RAP1GAP2: variants seen among roughly 807,000 people sequenced by gnomAD.
RAP1GAP2 encodes RAP1 GTPase activating protein 2.
A neutral mutation model predicts 95.0 loss-of-function variants in RAP1GAP2; 27 were observed. The ratio of observed to expected loss-of-function variants is 0.28; its 90% CI spans 0.21 to 0.39. RAP1GAP2 has a LOEUF of 0.39. RAP1GAP2 is among the 10% of genes least tolerant of loss of function. The pLI is 1.00. For missense variants in RAP1GAP2, 771 were observed against 970.0 expected (o/e 0.79, Z 2.72); for synonymous variants, 373 against 380.9 (o/e 0.98, Z 0.24).
At chr17:2,774,360 G>A (rs56168850), upstream of RAP1GAP2, among the ~76,000 whole-genome samples, 105 of 152,198 alleles carry the variant, frequency 6.9e-4, no homozygotes, top group Non-Finnish European at 1.1e-3. Context: ...ATTGAATGCC[G>A]TTCCTCTGCC....
chr17:2,759,839 C>T (rs775445264), intron 1 of RAP1GAP2, among the ~76,000 whole-genome samples: 33 of 152,144 alleles, frequency 2.2e-4, no homozygotes, highest in Admixed American at 6.6e-4. Context: ...ATTTGCCTCC[C>T]GAAGTGTTGA....
intron 2 of RAP1GAP2, among the ~76,000 whole-genome samples, chr17:2,808,098 T>C (rs2069598643): frequency 6.6e-6 from 1 of 152,128 alleles, no homozygotes; most frequent in South Asian, 2.1e-4. Flanking sequence ...CTGAGCTTTT[T>C]TCCTTTCGCC....
chr17:2,849,998 G>GTTTTTTTTTTTTTTTTTTTTTTTT lies in RAP1GAP2; in HGVS notation c.80+49448_80+49449insTTTTTTTTTTTTTTTTTTTTTTTT, dbSNP rs1363363543. Among the ~76,000 whole-genome samples, 3 of 136,130 alleles carry GTTTTTTTTTTTTTTTTTTTTTTTT rather than the reference G, an allele frequency of 2.2e-5. 1 individual carries two copies. 89.3% of individuals were successfully genotyped at this position (136,130 alleles called of 152,430 possible). On this transcript the variant is annotated intron_variant, in intron 2 of 24. Transcript: ENST00000254695. Reference sequence around the variant, plus strand: ...GTGTCACTAACACCTAACACTGCCTGCTTTTTTTTTTTTTTTTTTTGAGAT... The same window carrying GTTTTTTTTTTTTTTTTTTTTTTTT: ...GTGTCACTAACACCTAACACTGCCTGTTTTTTTTTTTTTTTTTTTTTTTTCTTTTTTTTTTTTTTTTTTTGAGAT...
rs1230705377 is a variant in RAP1GAP2 at position 2,974,601 on chromosome 17, T to A, written c.597-5686T>A. Among the ~76,000 whole-genome samples, 3 of 152,254 alleles carry A rather than the reference T, an allele frequency of 2.0e-5. No homozygotes were observed. In the East Asian group the frequency reaches 5.8e-4, roughly 29 times the overall value. On this transcript the variant is annotated intron_variant, in intron 8 of 24. Coordinates refer to ENST00000254695, the MANE Select transcript of RAP1GAP2 (RefSeq NM_015085.5). ...TTACTGATGGTAAAAAGTGGGATTT[T>A]TTTTTTTGCATGTTTAAAAGGAGGC...
At chr17:2,799,155 T>C (rs1332288075) in intron 1 of RAP1GAP2, among the ~76,000 whole-genome samples, 1 of 151,798 alleles carries the variant, frequency 6.6e-6, no homozygotes, top group South Asian at 2.1e-4. Context: ...TACAGCAGAG[T>C]GTGGGGCTCT....
At chr17:2,996,565 A>G (rs2151581055) in intron 13 of RAP1GAP2, among the ~76,000 whole-genome samples, 1 of 152,336 alleles carries the variant, frequency 6.6e-6, no homozygotes. Context: ...ATGGAAGCAG[A>G]AATCCTTTTG....
rs2042213521 is a variant in RAP1GAP2 at position 2,906,849 on chromosome 17, T to C, written c.165+1481T>C. Reference sequence around the variant, plus strand: ...TAATACCCAGTATTTATTTGAATTTTGTATTAGTTAGGACTCTTGGTTGTA... The same window carrying C: ...TAATACCCAGTATTTATTTGAATTTCGTATTAGTTAGGACTCTTGGTTGTA... On this transcript the variant is annotated intron_variant, in intron 3 of 24. Transcript: ENST00000254695. The surrounding 1 kb of genome is among the most constrained non-coding windows in gnomAD (Gnocchi z 4.3). Among the ~76,000 whole-genome samples, 1 of 152,178 alleles carries C rather than the reference T, an allele frequency of 6.6e-6. No homozygotes were observed. Among genetic ancestry groups the C allele is most frequent in the African/African-American group, 2.4e-5 (1 of 41,454 alleles).
chr17:2,818,498 A>G (rs1422620301), intron 2 of RAP1GAP2, among the ~76,000 whole-genome samples: 1 of 149,036 alleles, frequency 6.7e-6, no homozygotes, highest in African/African-American at 2.5e-5. Flanking sequence ...TAATTTTTGT[A>G]TTTTTTTTTA....
At chr17:2,978,698 C>T (rs763333951) in intron 8 of RAP1GAP2, among the ~76,000 whole-genome samples, 9 of 150,342 alleles carry the variant, frequency 6.0e-5, no homozygotes, top group Admixed American at 1.3e-4. Context: ...CTTTGGGAGG[C>T]GGAGGTGGGT....
chr17:3,024,304 A>G (rs1472124116), intron 19 of RAP1GAP2, among the ~76,000 whole-genome samples: 2 of 152,184 alleles, frequency 1.3e-5, no homozygotes, highest in Non-Finnish European at 2.9e-5. Flanking sequence ...CCCTGGACAG[A>G]TTGACAGGAG....
At chr17:2,998,021 G>A (rs928209252) in intron 13 of RAP1GAP2, among the ~76,000 whole-genome samples, 200 bp from the exon 14 acceptor site, 7 of 152,028 alleles carry the variant, frequency 4.6e-5, no homozygotes, top group African/African-American at 1.2e-4. Context: ...AGCACGAAGC[G>A]TGTTCCATGC....
rs564924173 is a variant in RAP1GAP2, at chr17:2,760,363, C to T, written c.50+4596C>T. On this transcript the variant is annotated intron_variant, in intron 1 of 25. Coordinates refer to the RAP1GAP2 transcript ENST00000637138. ...CGTTAACTTTCACTTTTTTTTGAGA[C>T]GGAGTCTTGCTCTGTCGCCCAGGGT... Among the ~76,000 whole-genome samples the T allele has an allele frequency of 8.8e-5, 13 of 147,068 alleles. No homozygotes were observed. The South Asian group carries it at 1.3e-3, about 15-fold the overall frequency.
At chr17:3,001,228 A>C (rs1299136955) in intron 14 of RAP1GAP2, among the ~76,000 whole-genome samples, 1 of 33,292 alleles carries the variant, frequency 3.0e-5, no homozygotes, top group Non-Finnish European at 5.4e-5. Context: ...ATGCCGGAGA[A>C]GGGACAGAAG....
chr17:2,775,103 A>G (rs1312107669), upstream of RAP1GAP2, among the ~76,000 whole-genome samples: 2 of 149,980 alleles, frequency 1.3e-5, no homozygotes, highest in Admixed American at 1.3e-4. Flanking sequence ...AAGCGCTAGG[A>G]TTACAGGTGT....
intron 2 of RAP1GAP2, among the ~76,000 whole-genome samples, chr17:2,873,849 G>A (rs980609604): frequency 1.8e-4 from 28 of 151,976 alleles, no homozygotes; most frequent in Non-Finnish European, 2.6e-4. Flanking sequence ...TGCAACCTCC[G>A]CCTCCTGGGT....
At chr17:3,013,022 A>C (rs912878506) in intron 17 of RAP1GAP2, among the ~76,000 whole-genome samples, 1 of 152,234 alleles carries the variant, frequency 6.6e-6, no homozygotes, top group Non-Finnish European at 1.5e-5. Flanking sequence ...GAGGTGGAGC[A>C]GAGGACCGGG....
chr17:3,017,048 G>A (rs529206767), intron 17 of RAP1GAP2, among the ~76,000 whole-genome samples: 256 of 152,262 alleles, frequency 1.7e-3, no homozygotes, highest in Non-Finnish European at 3.0e-3. Context: ...GCCAGAGAGA[G>A]CATCATCCAG....
At chr17:2,905,785 T>C (rs571897227) in intron 3 of RAP1GAP2, among the ~76,000 whole-genome samples, 110 of 152,278 alleles carry the variant, frequency 7.2e-4, no homozygotes, top group Non-Finnish European at 1.3e-3. Flanking sequence ...GCTGGGCCTG[T>C]TCACGGCAGT....
rs1555565310 is a variant in RAP1GAP2, at chr17:2,904,530, C to CTTTGTGTGTG, written c.81-753_81-752insTTGTGTGTGT. 1.5e-5 allele frequency among the ~76,000 whole-genome samples: 2 copies of CTTTGTGTGTG among 129,082 alleles called. No homozygotes were observed. Among genetic ancestry groups the CTTTGTGTGTG allele is most frequent in the African/African-American group, 5.7e-5 (2 of 35,024 alleles). The allele number at this position is 129,082 out of a possible 152,430, so 84.7% of individuals were successfully genotyped here. On this transcript the variant is annotated intron_variant, in intron 2 of 24. Transcript: ENST00000254695. This position sits in a 1 kb window ranked among gnomAD's most constrained non-coding sequence, Gnocchi z 4.7. ...CCGAGGACAGCTTTTTGACCAGGGC[C>CTTTGTGTGTG]TGTGTGTGTGTGTGTGTGTGTGTGT...
Sources: allele counts gnomAD v4.1 joint callset (sites outside exome capture counted in the v4.1 genomes callset), GRCh38; gene constraint gnomAD v4.1.1; non-coding constraint Gnocchi (gnomAD v3.1); transcripts MANE v1.5; gene names NCBI Gene and HGNC (gene_info 2026-07-23, HGNC 2026-07-21).